Variants in ZNF563 observed in about 807,000 individuals in gnomAD.
The protein encoded by ZNF563 is zinc finger protein 563.
A neutral mutation model predicts 48.5 loss-of-function variants in ZNF563; 39 were observed. The ratio of observed to expected loss-of-function variants is 0.80; its 90% CI spans 0.62 to 1.05. The LOEUF is 1.05. Ranked by LOEUF, ZNF563 falls within the 50% of genes least tolerant of loss-of-function variation. ZNF563 has a pLI of 0.00. For missense variants in ZNF563, 538 were observed against 597.0 expected, an observed-to-expected ratio of 0.90 and a Z score of 1.03; for synonymous variants, 168 against 187.9, an observed-to-expected ratio of 0.89 and a Z score of 0.87.
intron 1 of ZNF563, among the ~76,000 whole-genome samples, chr19:12,324,178 C>G (rs1318971733): frequency 6.6e-6 from 1 of 151,616 alleles, no homozygotes; most frequent in South Asian, 2.1e-4. Flanking sequence ...GGCAACATGG[C>G]GAAACCCTGT....
At chr19:12,329,646 G>A (rs1174681104) in intron 1 of ZNF563, among the ~76,000 whole-genome samples, 6 of 152,034 alleles carry the variant, frequency 3.9e-5, no homozygotes, top group African/African-American at 1.4e-4. Flanking sequence ...ACAACTGAAT[G>A]CCCACATATT....
chr19:12,337,285 C>T (rs940512511), upstream of ZNF563, among the ~76,000 whole-genome samples: 10 of 152,250 alleles, frequency 6.6e-5, no homozygotes, highest in South Asian at 2.1e-3. Context: ...TCACTGCAGC[C>T]TCAACCTCCT....
chr19:12,339,915 C>A, the ZNF563 span, among the ~76,000 whole-genome samples: 1 of 152,152 alleles, frequency 6.6e-6, no homozygotes, highest in African/African-American at 2.4e-5. Context: ...CAAAGATAAT[C>A]TTGAAAGCAG....
At chr19:12,331,229 G>T (rs940351381) in intron 1 of ZNF563, among the ~76,000 whole-genome samples, 1 of 152,108 alleles carries the variant, frequency 6.6e-6, no homozygotes, top group Non-Finnish European at 1.5e-5. Flanking sequence ...TCTTTTCAAG[G>T]TTGACAACCT....
intron 3 of ZNF563, 83 bp from the exon 4 acceptor site, chr19:12,319,916 CTTTT>C: frequency 1.5e-5 from 16 of 1,085,420 alleles, no homozygotes; most frequent in East Asian, 5.7e-5. Flanking sequence ...ATTGGATGTA[CTTTT>C]TTTTTTTTTT....
chr19:12,333,509 T>TC lies in ZNF563; in HGVS notation c.-28dup. On this transcript the variant is annotated 5_prime_UTR_variant, in exon 1 of 4. Coordinates refer to ENST00000293725, the MANE Select transcript of ZNF563 (RefSeq NM_145276.3). ...TCCCGGCTTCCGGGATGTTCCAGGG[T>TC]CCTCCCTCTGCCTCCCGCTGCCAGT... is the stretch of plus-strand genomic sequence containing the variant. 6.2e-7 allele frequency: 1 copy of TC among 1,613,270 alleles called. No homozygotes were observed. Among genetic ancestry groups the TC allele is most frequent in the South Asian group, 1.1e-5 (1 of 90,928 alleles).
intron 3 of ZNF563, 121 bp downstream of exon 3, chr19:12,321,151 T>C (rs1968611372): frequency 4.2e-6 from 3 of 715,316 alleles, no homozygotes; most frequent in Non-Finnish European, 6.6e-6. Flanking sequence ...AAAAAAAAGT[T>C]AATTTAAAAA....
chr19:12,321,204 T>C, intron 3 of ZNF563, 68 bp downstream of exon 3: 2 of 1,168,640 alleles, frequency 1.7e-6, no homozygotes, highest in Non-Finnish European at 2.4e-6. Flanking sequence ...TTTTCTTTGT[T>C]TTTAAAATTT....
intron 1 of ZNF563, among the ~76,000 whole-genome samples, chr19:12,323,199 G>A (rs1367594676): frequency 6.6e-6 from 1 of 152,162 alleles, no homozygotes; most frequent in African/African-American, 2.4e-5. Flanking sequence ...AACTGTTTGT[G>A]CAAAAAGTAC....
intron 2 of ZNF563, among the ~76,000 whole-genome samples, chr19:12,321,789 C>T (rs1363310482): frequency 2.0e-5 from 3 of 152,056 alleles, no homozygotes; most frequent in Non-Finnish European, 4.4e-5. Context: ...TGCACAGCTC[C>T]ACCTACATAT....
In ZNF563 at chr19:12,319,805, T is replaced by C; in HGVS notation, c.220A>G (p.Ser74Gly). The C allele has an allele frequency of 6.2e-7, 1 of 1,613,332 alleles. No homozygotes were observed. Among genetic ancestry groups the C allele is most frequent in the Non-Finnish European group, 8.5e-7 (1 of 1,179,360 alleles). ...RCHMVERFSE[S>G]KDSSQCGETF... ...TCTCCACACTGACTACTGTCTTTAC[T>C]TTCACTGAATCTCTCTACCATATGA... The change falls in exon 4 of 4, where the codon AGT (serine) becomes GGT (glycine). Residue 74 changes from serine (S) to glycine (G), a missense_variant. Coordinates refer to ENST00000293725, the MANE Select transcript of ZNF563 (RefSeq NM_145276.3).
chr19:12,334,634 C>G (rs1264391213), upstream of ZNF563, among the ~76,000 whole-genome samples: 2 of 152,032 alleles, frequency 1.3e-5, no homozygotes, highest in African/African-American at 4.8e-5. Flanking sequence ...TTTGGGAGGC[C>G]GAGGCGGGTG....
In ZNF563 at chr19:12,322,720, T is replaced by C. The variant is rs761350124; in HGVS notation, c.4-9A>G. On this transcript the variant is annotated splice_polypyrimidine_tract_variant and intron_variant, in intron 1 of 3. Coordinates refer to ENST00000293725, the MANE Select transcript of ZNF563 (RefSeq NM_145276.3). ...TCAAAGGCCACTGCGTCCTGAAACA[T>C]CCCACATAGATAGAGGAGAAAGGTT... 2.5e-6 allele frequency: 4 copies of C among 1,594,708 alleles called. No individual in the cohort carries two copies. Among genetic ancestry groups the C allele is most frequent in the Non-Finnish European group, 1.7e-6 (2 of 1,169,944 alleles).
chr19:12,321,678 C>T (rs1270018625), intron 2 of ZNF563, among the ~76,000 whole-genome samples: 2 of 152,182 alleles, frequency 1.3e-5, no homozygotes, highest in Admixed American at 6.5e-5. Flanking sequence ...CTCCTGACCT[C>T]AAGTGATCTT....
chr19:12,322,825 G>A, intron 1 of ZNF563, 114 bp from the exon 2 acceptor site: 5 of 1,145,890 alleles, frequency 4.4e-6, no homozygotes, highest in Non-Finnish European at 5.9e-6. Context: ...ATTCAATGAT[G>A]TAGTAAACTC....
At chr19:12,320,372 C>T (rs1968581606) in intron 3 of ZNF563, among the ~76,000 whole-genome samples, 1 of 150,574 alleles carries the variant, frequency 6.6e-6, no homozygotes. Flanking sequence ...GAAACAGTAT[C>T]TTGCTTTGTC....
At chr19:12,338,058 C>T (rs1969037178), upstream of ZNF563, among the ~76,000 whole-genome samples, 1 of 152,086 alleles carries the variant, frequency 6.6e-6, no homozygotes, top group African/African-American at 2.4e-5. Context: ...GCTATGATCA[C>T]ACTGCTGCAC....
the ZNF563 span, among the ~76,000 whole-genome samples, chr19:12,345,519 G>A: frequency 6.6e-6 from 1 of 152,128 alleles, no homozygotes; most frequent in East Asian, 1.9e-4. Flanking sequence ...GGGAAAACTG[G>A]ATATCTACAT....
At chr19:12,342,386 G>T in the ZNF563 span, among the ~76,000 whole-genome samples, 1 of 151,890 alleles carries the variant, frequency 6.6e-6, no homozygotes, top group African/African-American at 2.4e-5. Flanking sequence ...ACAAATAAGT[G>T]TAAATTAATT....
Sources: gnomAD v4.1 joint callset for allele counts (sites outside exome capture counted in the v4.1 genomes callset) on GRCh38, gnomAD v4.1.1 for gene constraint, MANE v1.5 for transcripts, NCBI Gene and HGNC (gene_info 2026-07-23, HGNC 2026-07-21) for gene names.